Variants in TAF8 observed in about 807,000 individuals in gnomAD.
TAF8 encodes TATA-box binding protein associated factor 8.
TAF8 carries 47 observed loss-of-function variants against 36.5 expected under a neutral mutation model. The observed-to-expected ratio is 1.29, with a 90% CI of 1.02 to 1.64. The LOEUF is 1.64. Among genes scored for constraint, TAF8 ranks in the 40% most tolerant of loss-of-function variants. TAF8 has a pLI of 0.00. For missense variants in TAF8, 420 were observed against 407.6 expected, an observed-to-expected ratio of 1.03 and a Z score of -0.26; for synonymous variants, 175 against 159.5, an observed-to-expected ratio of 1.10 and a Z score of -0.73.
intron 4 of TAF8, 111 bp downstream of exon 4, chr6:42,056,125 C>T: frequency 1.3e-6 from 1 of 741,508 alleles, no homozygotes; most frequent in Non-Finnish European, 2.4e-6. Context: ...GTTGTGGGCT[C>T]TCTTCCAATG....
chr6:42,068,322 G>A (rs187366231), intron 6 of TAF8, 143 bp from the exon 7 acceptor site: 5 of 828,440 alleles, frequency 6.0e-6, no homozygotes, highest in Admixed American at 6.0e-5. Context: ...AACATTGCCT[G>A]GCCTGTTGTG....
chr6:42,087,102 C>A, downstream of TAF8: 1 of 330,296 alleles, frequency 3.0e-6, no homozygotes. Context: ...TCACAGAATG[C>A]TCTGGAACTC....
intron 7 of TAF8, among the ~76,000 whole-genome samples, chr6:42,070,337 A>AC (rs1437159830): frequency 6.6e-6 from 1 of 151,584 alleles, no homozygotes; most frequent in Admixed American, 6.6e-5. Flanking sequence ...AAATACAAAA[A>AC]AAAAATTAGC....
chr6:42,066,430 T>C lies in TAF8; in HGVS notation c.608T>C (p.Leu203Pro), dbSNP rs368936827. ...GCCAAGACAGGCGAGACTCAGAGTC[T>C]TTTCAAAGATGACGTCAGCACATTT... ...FMAKTGETQS[L>P]FKDDVSTFPL... Residue 203 changes from leucine (L) to proline (P), a missense_variant, in exon 6 of 9, where the codon CTT (leucine) becomes CCT (proline). Leu to Pro is a moderately conservative substitution (Grantham distance 98). Transcript: ENST00000372977. 6.2e-7 allele frequency: 1 copy of C among 1,614,088 alleles called. No individual in the cohort carries two copies. Among genetic ancestry groups the C allele is most frequent in the African/African-American group, 1.3e-5 (1 of 74,936 alleles).
chr6:42,085,762 A>C (rs969736183), downstream of TAF8, among the ~76,000 whole-genome samples: 2 of 152,206 alleles, frequency 1.3e-5, no homozygotes, highest in African/African-American at 2.4e-5. Context: ...AGGTGGGTGG[A>C]TCACTTGAGG....
intron 6 of TAF8, 63 bp downstream of exon 6, chr6:42,066,522 C>G: frequency 6.4e-7 from 1 of 1,572,800 alleles, no homozygotes; most frequent in Non-Finnish European, 8.7e-7. Context: ...TCTTTTCTTT[C>G]TCTCAGCATG....
At chr6:42,067,304 C>T (rs533866458) in intron 6 of TAF8, among the ~76,000 whole-genome samples, 5 of 152,336 alleles carry the variant, frequency 3.3e-5, no homozygotes, top group African/African-American at 9.6e-5. Context: ...CTGCAACCTC[C>T]GCCTCCCGGG....
In TAF8 at chr6:42,079,980, A is replaced by C; in HGVS notation, c.*2435A>C. The C allele has an allele frequency of 1.0e-6, 1 of 972,708 alleles. No individual in the cohort carries two copies. The highest frequency in any genetic ancestry group is 1.2e-6 in the Non-Finnish European group (1 of 825,632). The allele number at this position is 972,708 out of a possible 1,614,324, so 60.3% of individuals were successfully genotyped here. On this transcript the variant is annotated 3_prime_UTR_variant, in exon 9 of 9. Coordinates refer to ENST00000372977, the MANE Select transcript of TAF8 (RefSeq NM_138572.3). ...GGAAAGAGCTGCTTGTCAGGAACGGAAGAGGGGACGCTAGTAAAAAAAAAA... is the reference window on the plus strand; with the variant it reads ...GGAAAGAGCTGCTTGTCAGGAACGGCAGAGGGGACGCTAGTAAAAAAAAAA...
chr6:42,071,638 T>C (rs1195144561), intron 7 of TAF8, among the ~76,000 whole-genome samples: 1 of 152,036 alleles, frequency 6.6e-6, no homozygotes, highest in African/African-American at 2.4e-5. Flanking sequence ...TATACTTTTT[T>C]TTTTTTTAAA....
At chr6:42,084,207 A>C (rs1582257628), downstream of TAF8, among the ~76,000 whole-genome samples, 2 of 146,024 alleles carry the variant, frequency 1.4e-5, no homozygotes, top group African/African-American at 5.1e-5. Context: ...AAAAAGATGG[A>C]CCCTAAGGGC....
At chr6:42,085,075 G>A (rs1766005723), downstream of TAF8, among the ~76,000 whole-genome samples, 1 of 152,158 alleles carries the variant, frequency 6.6e-6, no homozygotes, top group Admixed American at 6.6e-5. Flanking sequence ...ATCCTCTAGA[G>A]GCAGTCTGTG....
chr6:42,072,297 A>G (rs552908671), intron 7 of TAF8, among the ~76,000 whole-genome samples: 1 of 152,232 alleles, frequency 6.6e-6, no homozygotes, highest in Non-Finnish European at 1.5e-5. Flanking sequence ...AATTTACTAC[A>G]GTCAGTTGGA....
chr6:42,084,548 C>T (rs1184948117), downstream of TAF8, among the ~76,000 whole-genome samples: 10 of 152,196 alleles, frequency 6.6e-5, no homozygotes, highest in African/African-American at 2.2e-4. Flanking sequence ...CTGCAACCTC[C>T]GCCTCCTGGG....
chr6:42,087,039 G>A (rs1766040745), downstream of TAF8: 2 of 503,228 alleles, frequency 4.0e-6, no homozygotes, highest in East Asian at 3.5e-5. Context: ...GCCCTCCCTC[G>A]AGAGCCTGAG....
intron 7 of TAF8, among the ~76,000 whole-genome samples, chr6:42,073,646 G>T (rs1235969334): frequency 1.3e-5 from 2 of 152,164 alleles, no homozygotes; most frequent in African/African-American, 4.8e-5. Context: ...AATGGGCAGT[G>T]CAAAGGCCCT....
intron 5 of TAF8, among the ~76,000 whole-genome samples, chr6:42,058,859 G>T (rs1582220650): frequency 6.6e-6 from 1 of 152,286 alleles, no homozygotes; most frequent in East Asian, 1.9e-4. Flanking sequence ...GCTTCTGGTG[G>T]TTGGCCAGCA....
At chr6:42,075,498 G>A (rs1310556714) in intron 7 of TAF8, among the ~76,000 whole-genome samples, 2 of 152,204 alleles carry the variant, frequency 1.3e-5, no homozygotes, top group Non-Finnish European at 2.9e-5. Context: ...ACCTGAGACT[G>A]GTGTCCATGC....
At chr6:42,072,502 C>T (rs1334142405) in intron 7 of TAF8, among the ~76,000 whole-genome samples, 1 of 152,138 alleles carries the variant, frequency 6.6e-6, no homozygotes, top group Non-Finnish European at 1.5e-5. Flanking sequence ...TGAACTGAAA[C>T]AGCAGATCAC....
At chr6:42,083,917 C>T (rs1253678400), downstream of TAF8, among the ~76,000 whole-genome samples, 1 of 152,016 alleles carries the variant, frequency 6.6e-6, no homozygotes, top group Non-Finnish European at 1.5e-5. Flanking sequence ...CACGGTGGCT[C>T]ACGCCTGTAA....
Sources: allele counts gnomAD v4.1 joint callset (sites outside exome capture counted in the v4.1 genomes callset), GRCh38; gene constraint gnomAD v4.1.1; transcripts MANE v1.5; gene names NCBI Gene and HGNC (gene_info 2026-07-23, HGNC 2026-07-21).